Variants in RAP1GDS1 observed in about 807,000 individuals in gnomAD.
RAP1GDS1 encodes Rap1 GTPase-GDP dissociation stimulator 1, also known as RAP1, GTP-GDP dissociation stimulator 1.
In RAP1GDS1, 35 loss-of-function variants were observed where a neutral mutation model predicts 71.1. The ratio of observed to expected loss-of-function variants is 0.49; its 90% confidence interval spans 0.38 to 0.65. RAP1GDS1 has a LOEUF of 0.65. Ranked by LOEUF, RAP1GDS1 falls within the 30% of genes least tolerant of loss-of-function variation. The pLI is 0.00. For synonymous variants in RAP1GDS1, 229 were observed against 243.1 expected (o/e 0.94, Z 0.54); for missense variants, 663 against 706.1 (o/e 0.94, Z 0.69).
At chr4:98,340,748 C>CA (rs1015542668) in intron 2 of RAP1GDS1, among the ~76,000 whole-genome samples, 2 of 150,466 alleles carry the variant, frequency 1.3e-5, no homozygotes, top group Admixed American at 1.3e-4. Flanking sequence ...GACTCCGTCT[C>CA]AAAAAAGAAA....
intron 2 of RAP1GDS1, among the ~76,000 whole-genome samples, chr4:98,319,580 A>G (rs1430616977): frequency 2.0e-5 from 3 of 151,994 alleles, no homozygotes; most frequent in Non-Finnish European, 4.4e-5. Flanking sequence ...CAGGAGTTCA[A>G]GACCAGACTG....
intron 6 of RAP1GDS1, among the ~76,000 whole-genome samples, chr4:98,394,497 G>A (rs7676060): frequency 0.15 from 22,066 of 151,874 alleles, 2,358 homozygotes; most frequent in African/African-American, 0.3. Flanking sequence ...GGAGTCTTAT[G>A]TTTTACAGTA....
At chr4:98,359,643 G>C (rs142118020) in intron 4 of RAP1GDS1, among the ~76,000 whole-genome samples, 2 of 152,306 alleles carry the variant, frequency 1.3e-5, no homozygotes, top group Non-Finnish European at 2.9e-5. Context: ...TAGAGATCTT[G>C]ATTGTGCATC....
chr4:98,296,408 A>G (rs1260053332), intron 2 of RAP1GDS1, among the ~76,000 whole-genome samples: 1 of 152,082 alleles, frequency 6.6e-6, no homozygotes, highest in Non-Finnish European at 1.5e-5. Context: ...TACCATTGGC[A>G]GTATTTCTCT....
intron 2 of RAP1GDS1, among the ~76,000 whole-genome samples, chr4:98,313,060 C>T (rs143440715): frequency 0.017 from 1,714 of 103,768 alleles, 45 homozygotes; most frequent in African/African-American, 0.068. Flanking sequence ...CAGAGCAAGA[C>T]TCTGTCTCAA....
At position 98,434,067 on chromosome 4, in the gene RAP1GDS1, G is replaced by C. The variant is rs1044344838; in HGVS notation, c.1567+5G>C. Reference sequence around the variant, plus strand: ...TAATAGCAGCTTTAGAATTGGGTAAGTACCCCAGTGACAAACTTATTTTCT... The same window carrying C: ...TAATAGCAGCTTTAGAATTGGGTAACTACCCCAGTGACAAACTTATTTTCT... On this transcript the variant is annotated splice_donor_5th_base_variant and intron_variant, in intron 13 of 14. Coordinates refer to ENST00000408927, the MANE Select transcript of RAP1GDS1 (RefSeq NM_001100427.2). The C allele has an allele frequency of 6.2e-7, 1 of 1,612,018 alleles. No homozygotes were observed. Among genetic ancestry groups the C allele is most frequent in the Non-Finnish European group, 8.5e-7 (1 of 1,178,404 alleles).
chr4:98,311,745 T>C (rs1730254523), intron 2 of RAP1GDS1, among the ~76,000 whole-genome samples: 1 of 152,226 alleles, frequency 6.6e-6, no homozygotes, highest in Non-Finnish European at 1.5e-5. Context: ...CAAGCAGTCC[T>C]CCCACCTCAG....
intron 1 of RAP1GDS1, among the ~76,000 whole-genome samples, chr4:98,269,695 T>C (rs1723181283): frequency 1.3e-5 from 2 of 152,196 alleles, no homozygotes; most frequent in Admixed American, 1.3e-4. Flanking sequence ...CTGAAACTTT[T>C]TGAATGCTGA....
intron 3 of RAP1GDS1, among the ~76,000 whole-genome samples, chr4:98,351,660 A>G (rs1231644057): frequency 1.3e-5 from 2 of 152,006 alleles, no homozygotes; most frequent in Admixed American, 1.3e-4. Flanking sequence ...CATCAGTTAC[A>G]TACTTCCTTA....
At chr4:98,334,552 G>A (rs922189563) in intron 2 of RAP1GDS1, among the ~76,000 whole-genome samples, 1 of 152,080 alleles carries the variant, frequency 6.6e-6, no homozygotes, top group Non-Finnish European at 1.5e-5. Context: ...TTTCACCCCC[G>A]CATGGCAGAA....
rs1489553373 is a variant in RAP1GDS1, at chr4:98,404,427, AAC to A, written c.638-48_638-47del. On this transcript the variant is annotated intron_variant, in intron 6 of 14. Transcript: ENST00000408927. ...TAACTAAGTATTGAAAGTATTAGAA[AAC>A]AGTTTCTGGACTTTATTTGGTTTAA... 6.0e-6 allele frequency: 9 copies of A among 1,505,626 alleles called. No individual in the cohort carries two copies. The Admixed American group carries it at 1.6e-4, about 27-fold the overall frequency. The allele number at this position is 1,505,626 out of a possible 1,614,324, so 93.3% of individuals were successfully genotyped here. A position where few individuals can be genotyped will look rare whatever the true frequency, so the allele number is the denominator to read the frequency against.
chr4:98,300,592 T>G (rs7695463), intron 2 of RAP1GDS1, among the ~76,000 whole-genome samples: 22,368 of 151,918 alleles, frequency 0.15, 2,453 homozygotes, highest in African/African-American at 0.31. Flanking sequence ...GTAGAGATGG[T>G]GTTTCCCCAT....
At chr4:98,392,268 G>C (rs1743819964) in intron 6 of RAP1GDS1, 188 bp downstream of exon 6, 2 of 481,418 alleles carry the variant, frequency 4.2e-6, no homozygotes, top group Admixed American at 4.2e-5. Flanking sequence ...CATTGTTTAT[G>C]AGAGCGTTTT....
intron 4 of RAP1GDS1, among the ~76,000 whole-genome samples, chr4:98,373,141 T>C (rs2110471085): frequency 6.6e-6 from 1 of 152,386 alleles, no homozygotes; most frequent in East Asian, 1.9e-4. Context: ...TAACATTTTT[T>C]GCATAACAGG....
chr4:98,312,425 A>G (rs1162890585), intron 2 of RAP1GDS1, among the ~76,000 whole-genome samples: 1 of 152,106 alleles, frequency 6.6e-6, no homozygotes, highest in Admixed American at 6.5e-5. Context: ...ATAAACATAC[A>G]ATGTGCTTTC....
chr4:98,360,022 G>C (rs1343637332), intron 4 of RAP1GDS1, among the ~76,000 whole-genome samples: 1 of 152,130 alleles, frequency 6.6e-6, no homozygotes, highest in African/African-American at 2.4e-5. Flanking sequence ...GAGAAACTAT[G>C]ATCTTTCCAT....
chr4:98,379,808 GTTTC>G lies in RAP1GDS1; in HGVS notation c.508+649_508+652del, dbSNP rs200881625. On this transcript the variant is annotated intron_variant, in intron 5 of 14. Coordinates refer to ENST00000408927, the MANE Select transcript of RAP1GDS1 (RefSeq NM_001100427.2). The stretch of plus-strand genomic sequence containing the variant: ...CGTTTGTGTCACAAAATATCCATTT[GTTTC>G]TTTATCATCTTATGTGAATCACTGT... Among the ~76,000 whole-genome samples the G allele has an allele frequency of 9.9e-3, 1,499 of 151,856 alleles. 20 individuals carry two copies. The highest frequency in any genetic ancestry group is 0.032 in the African/African-American group (1,337 of 41,498).
rs1453558254 is a variant in RAP1GDS1, at chr4:98,418,699, A to C, written c.1082A>C (p.Lys361Thr). Residue 361 changes from lysine to threonine, a missense_variant, in exon 10 of 15, where the codon AAA becomes ACA. By Grantham distance (78) the Lys-to-Thr change is moderately conservative (BLOSUM62 -1). Transcript: ENST00000408927. ...IHMVDNGIVE[K>T]LMDLLDRHVE... ...ATGGTAGACAATGGGATTGTAGAAAAACTTATGGATTTACTGGACAGACAT... is the reference window on the plus strand; with the variant it reads ...ATGGTAGACAATGGGATTGTAGAAACACTTATGGATTTACTGGACAGACAT... The C allele has an allele frequency of 6.2e-7, 1 of 1,611,792 alleles. No homozygotes were observed. The highest frequency in any genetic ancestry group is 8.5e-7 in the Non-Finnish European group (1 of 1,179,100).
At chr4:98,370,096 C>G (rs1475130474) in intron 4 of RAP1GDS1, among the ~76,000 whole-genome samples, 4 of 152,168 alleles carry the variant, frequency 2.6e-5, no homozygotes, top group Non-Finnish European at 5.9e-5. Context: ...TCACACTTCC[C>G]TCTTTTTCCC....
Sources: allele counts gnomAD v4.1 joint callset (sites outside exome capture counted in the v4.1 genomes callset), GRCh38; gene constraint gnomAD v4.1.1; transcripts MANE v1.5; gene names NCBI Gene and HGNC (gene_info 2026-07-23, HGNC 2026-07-21).